PARD3B: variants seen among roughly 807,000 people sequenced by gnomAD.
PARD3B encodes the protein partitioning defective 3 homolog B.
Under a neutral mutation model 130.2 loss-of-function variants are expected in PARD3B, and 103 were observed. That is an observed-to-expected ratio of 0.79 (90% CI 0.67 to 0.93). The LOEUF is 0.93. Among genes scored for constraint, PARD3B ranks in the 40% least tolerant of loss-of-function variants. PARD3B has a pLI of 0.00. For synonymous variants in PARD3B, 583 were observed against 553.2 expected, an observed-to-expected ratio of 1.05 and a Z score of -0.76; for missense variants, 1,609 against 1,499.2, an observed-to-expected ratio of 1.07 and a Z score of -1.21.
intron 1 of PARD3B, among the ~76,000 whole-genome samples, chr2:204,550,131 A>G (rs1490636424): frequency 6.6e-6 from 1 of 152,154 alleles, no homozygotes. Context: ...TCCCTCGGAT[A>G]CCAAAATCTG....
chr2:204,993,770 C>G (rs1178157955), intron 3 of PARD3B, among the ~76,000 whole-genome samples: 1 of 148,366 alleles, frequency 6.7e-6, no homozygotes, highest in Non-Finnish European at 1.5e-5. Flanking sequence ...TGTTATTGGT[C>G]TATTCAGAGA....
At position 205,269,726 on chromosome 2, in the gene PARD3B, A is replaced by T. The variant is rs956819022; in HGVS notation, c.2185+23904A>T. On this transcript the variant is annotated intron_variant, in intron 16 of 22. Transcript: ENST00000406610. This position sits in a 1 kb window ranked among gnomAD's most constrained non-coding sequence, Gnocchi z 4.7. ...AGAAAATTCACTTGCAAAAACAAAA[A>T]TTAAGATCTGAAGAGTACTTACCAA... 6.6e-5 allele frequency among the ~76,000 whole-genome samples: 10 copies of T among 152,206 alleles called. No individual in the cohort carries two copies. The highest frequency in any genetic ancestry group is 2.4e-4 in the African/African-American group (10 of 41,458).
chr2:204,680,984 A>T (rs1346241712), intron 1 of PARD3B, among the ~76,000 whole-genome samples: 3 of 152,150 alleles, frequency 2.0e-5, no homozygotes, highest in African/African-American at 4.8e-5. Context: ...TACTTGTGTC[A>T]GTCAGATGAT....
chr2:205,169,623 T>G (rs1235187584), intron 11 of PARD3B, among the ~76,000 whole-genome samples: 2 of 152,128 alleles, frequency 1.3e-5, no homozygotes, highest in Non-Finnish European at 2.9e-5. Flanking sequence ...CATCTTTATC[T>G]TGTTTCTTCC....
chr2:204,938,668 C>A (rs192612432), intron 2 of PARD3B, among the ~76,000 whole-genome samples: 39 of 152,312 alleles, frequency 2.6e-4, no homozygotes, highest in Non-Finnish European at 4.7e-4. Flanking sequence ...TTAAAACATA[C>A]CATTCCTCAA....
intron 20 of PARD3B, among the ~76,000 whole-genome samples, chr2:205,452,879 G>A (rs2048152327): frequency 6.6e-6 from 1 of 152,150 alleles, no homozygotes; most frequent in African/African-American, 2.4e-5. Context: ...ACCACTGGGG[G>A]TAAATGGGCA....
rs1182502762 is a variant in PARD3B at position 204,673,062 on chromosome 2, T to G, written c.121-13119T>G. Among the ~76,000 whole-genome samples the G allele has an allele frequency of 6.6e-6, 1 of 152,210 alleles. No individual in the cohort carries two copies. The highest frequency in any genetic ancestry group is 1.5e-5 in the Non-Finnish European group (1 of 68,030). The stretch of plus-strand genomic sequence containing the variant: ...AATCCAGTGAGGGTAGAGGATATTG[T>G]TCCCATTTATGAGTGGTAAATTTTG... On this transcript the variant is annotated intron_variant, in intron 1 of 22. Coordinates refer to ENST00000406610, the MANE Select transcript of PARD3B (RefSeq NM_001302769.2). This position sits in a 1 kb window ranked among gnomAD's most constrained non-coding sequence, Gnocchi z 4.7.
intron 2 of PARD3B, among the ~76,000 whole-genome samples, chr2:204,839,296 C>G (rs756290504): frequency 4.6e-5 from 7 of 152,172 alleles, no homozygotes; most frequent in Non-Finnish European, 1.0e-4. Context: ...TAGCAAGGCA[C>G]ATATCATCGT....
intron 2 of PARD3B, among the ~76,000 whole-genome samples, chr2:204,952,363 T>C (rs369445649): frequency 9.2e-4 from 140 of 152,314 alleles, no homozygotes; most frequent in African/African-American, 3.1e-3. Context: ...TAAGGGACTA[T>C]CAAAGTAGTA....
intron 2 of PARD3B, among the ~76,000 whole-genome samples, chr2:204,855,353 G>A (rs551181744): frequency 6.6e-6 from 1 of 152,054 alleles, no homozygotes; most frequent in East Asian, 1.9e-4. Flanking sequence ...GACCATCCTG[G>A]CCAACATGGT....
At chr2:205,293,896 A>G (rs1322369065) in intron 16 of PARD3B, 1 of 152,184 alleles carries the variant, frequency 6.6e-6, no homozygotes, top group Non-Finnish European at 1.5e-5. Flanking sequence ...AGAAAAATCA[A>G]TAAGTCTAGG....
chr2:204,609,627 T>C (rs1301143948), intron 1 of PARD3B, among the ~76,000 whole-genome samples: 1 of 152,198 alleles, frequency 6.6e-6, no homozygotes, highest in Non-Finnish European at 1.5e-5. Context: ...TTTTTCTAAA[T>C]GAAGTCAGTA....
At chr2:205,148,985 G>A (rs1312484662) in intron 10 of PARD3B, among the ~76,000 whole-genome samples, 3 of 152,146 alleles carry the variant, frequency 2.0e-5, no homozygotes, top group Non-Finnish European at 4.4e-5. Context: ...TGTTGGCCCT[G>A]TGGACTGGTG....
At chr2:205,586,402 T>C (rs2054197945) in intron 22 of PARD3B, among the ~76,000 whole-genome samples, 1 of 152,196 alleles carries the variant, frequency 6.6e-6, no homozygotes, top group Non-Finnish European at 1.5e-5. Flanking sequence ...AAGGCTATTA[T>C]TCCATTATGA....
chr2:204,675,435 T>A lies in PARD3B; in HGVS notation c.121-10746T>A, dbSNP rs538033024. Among the ~76,000 whole-genome samples, 3 of 152,124 alleles carry A rather than the reference T, an allele frequency of 2.0e-5. No individual in the cohort carries two copies. The highest frequency in any genetic ancestry group is 4.4e-5 in the Non-Finnish European group (3 of 68,014). On this transcript the variant is annotated intron_variant, in intron 1 of 22. Transcript: ENST00000406610. This position sits in a 1 kb window ranked among gnomAD's most constrained non-coding sequence, Gnocchi z 4.4. ...GAAGAGTTACATAAGGCCTATACTT[T>A]CATGCATTTAAGAGTGAGCCTTTAA... is the stretch of plus-strand genomic sequence containing the variant.
intron 19 of PARD3B, among the ~76,000 whole-genome samples, chr2:205,418,641 G>T (rs1013119615): frequency 6.6e-6 from 1 of 152,082 alleles, no homozygotes; most frequent in Non-Finnish European, 1.5e-5. Flanking sequence ...CAACTTAACT[G>T]TGCAGCAAAT....
At position 205,618,544 on chromosome 2, in the gene PARD3B, C is replaced by T. The variant is rs1427656117; in HGVS notation, c.*2731C>T. 1.3e-5 allele frequency: 2 copies of T among 152,236 alleles called. No individual in the cohort carries two copies. The highest frequency in any genetic ancestry group is 4.8e-5 in the African/African-American group (2 of 41,458). The allele number at this position is 152,236 out of a possible 1,614,324, so 9.4% of individuals were successfully genotyped here. A position where few individuals can be genotyped will look rare whatever the true frequency, so the allele number is the denominator to read the frequency against. ...GTAGCTCAGAACACTAATAGCCCCC[C>T]TGGAAGAGAGTGGCACATTGAGCTC... On this transcript the variant is annotated 3_prime_UTR_variant, in exon 23 of 23. Coordinates refer to ENST00000406610, the MANE Select transcript of PARD3B (RefSeq NM_001302769.2).
intron 3 of PARD3B, among the ~76,000 whole-genome samples, chr2:204,978,686 G>C (rs1479765308): frequency 6.6e-6 from 1 of 152,178 alleles, no homozygotes; most frequent in Non-Finnish European, 1.5e-5. Flanking sequence ...TTTTGGCTGT[G>C]CATGGTGTCT....
rs921660306 is a variant in PARD3B at position 205,272,836 on chromosome 2, C to T, written c.2185+27014C>T. Among the ~76,000 whole-genome samples the T allele has an allele frequency of 5.3e-5, 8 of 152,232 alleles. No homozygotes were observed. In the East Asian group the frequency reaches 1.2e-3, roughly 22 times the overall value. ...TCATCCGTGTCTTATTATTCAAAAC[C>T]ATTACATGAAAACAAAAAACCGCAT... On this transcript the variant is annotated intron_variant, in intron 16 of 22. Coordinates refer to ENST00000406610, the MANE Select transcript of PARD3B (RefSeq NM_001302769.2).
Sources: allele counts gnomAD v4.1 joint callset (sites outside exome capture counted in the v4.1 genomes callset), GRCh38; gene constraint gnomAD v4.1.1; non-coding constraint Gnocchi (gnomAD v3.1); transcripts MANE v1.5; gene names NCBI Gene and HGNC (gene_info 2026-07-23, HGNC 2026-07-21).